The following RIPOR1 variants were observed in gnomAD, a reference collection of about 807,000 sequenced individuals.
The protein encoded by RIPOR1 is RHO family interacting cell polarization regulator 1, also known as rho family-interacting cell polarization regulator 1.
A neutral mutation model predicts 116.5 loss-of-function variants in RIPOR1; 58 were observed. The observed-to-expected ratio is 0.50, with a 90% CI of 0.40 to 0.62. The LOEUF is 0.62. Ranked by LOEUF, RIPOR1 falls within the 20% of genes least tolerant of loss-of-function variation. The pLI is 0.00. For synonymous variants in RIPOR1, 605 were observed against 650.0 expected (o/e 0.93, Z 1.05); for missense variants, 1,372 against 1,586.2 (o/e 0.86, Z 2.29).
chr16:67,537,513 C>T lies in RIPOR1; in HGVS notation c.-23-911C>T. On this transcript the variant is annotated intron_variant, in intron 1 of 21. Transcript: ENST00000042381. This position sits in a 1 kb window ranked among gnomAD's most constrained non-coding sequence, Gnocchi z 4.6. ...GAGCCCGGAGCCCAGCCGGGCGGCT[C>T]GAAGTGGCCAGGGCCGGAAGGTCCG... The T allele has an allele frequency of 3.9e-6, 5 of 1,279,104 alleles. No homozygotes were observed. Among genetic ancestry groups the T allele is most frequent in the Non-Finnish European group, 4.9e-6 (5 of 1,011,232 alleles). The allele number at this position is 1,279,104 out of a possible 1,614,324, so 79.2% of individuals were successfully genotyped here.
chr16:67,522,338 G>A (rs2050502250), intron 1 of RIPOR1, among the ~76,000 whole-genome samples: 1 of 151,804 alleles, frequency 6.6e-6, no homozygotes, highest in Non-Finnish European at 1.5e-5. Flanking sequence ...GAGTAGCTGG[G>A]ATTACAGGCA....
In RIPOR1 at chr16:67,537,640, C is replaced by A; in HGVS notation, c.-23-784C>A. 7.7e-7 allele frequency: 1 copy of A among 1,305,954 alleles called. No individual in the cohort carries two copies. The highest frequency in any genetic ancestry group is 9.9e-7 in the Non-Finnish European group (1 of 1,006,154). The allele number at this position is 1,305,954 out of a possible 1,614,324, so 80.9% of individuals were successfully genotyped here. A position where few individuals can be genotyped will look rare whatever the true frequency, so the allele number is the denominator to read the frequency against. ...GCTGCGAAAGCTCAGGGACTGGCCC[C>A]AGGGGAAGCAGGCCGGGTTTGGGGG... On this transcript the variant is annotated intron_variant, in intron 1 of 21. Transcript: ENST00000042381. The surrounding 1 kb of genome is among the most constrained non-coding windows in gnomAD (Gnocchi z 4.6).
Position 67,542,262 on chromosome 16 carries a change from T to G in RIPOR1, c.1476T>G (p.Ser492Arg). ...CTCCCACCCATGGAGAGCACCCCAG[T>G]CCTGTTCCTCCTGCCCTGGACCCTG... ...HPAPTHGEHPSPVPPALDPGH... is the reference protein window; with the variant it reads ...HPAPTHGEHPRPVPPALDPGH... The change falls in exon 13 of 22, where the codon AGT becomes AGG. Residue 492 changes from serine (S) to arginine (R), a missense_variant. Around this residue, in one of 3 missense-constraint regions of RIPOR1, gnomAD observed 1,005 missense variants for 1,144.7 expected, o/e 0.88. Transcript: ENST00000042381. The surrounding 1 kb of genome is among the most constrained non-coding windows in gnomAD (Gnocchi z 4.6). 1 of 1,613,804 alleles carries G rather than the reference T, an allele frequency of 6.2e-7. No individual in the cohort carries two copies. Among genetic ancestry groups the G allele is most frequent in the Non-Finnish European group, 8.5e-7 (1 of 1,179,910 alleles).
chr16:67,538,976 G>A lies in RIPOR1; in HGVS notation c.258-14G>A. The A allele has an allele frequency of 1.2e-6, 2 of 1,613,598 alleles. No homozygotes were observed. The highest frequency in any genetic ancestry group is 1.7e-4 in the Middle Eastern group (1 of 6,058). ...GAGAGCCGAGTTCATTCTTGTGGTC[G>A]CCCCTTTCCTCAGGGCCTACTTGGA... On this transcript the variant is annotated splice_polypyrimidine_tract_variant and intron_variant, in intron 3 of 21. Coordinates refer to ENST00000042381, the MANE Select transcript of RIPOR1 (RefSeq NM_024519.4).
upstream of RIPOR1, chr16:67,528,752 G>C (rs938889112): frequency 8.0e-5 from 12 of 150,482 alleles, no homozygotes; most frequent in Middle Eastern, 3.4e-3. Context: ...AGCCGCGGGA[G>C]CGCAGGGGGT....
chr16:67,541,931 C>T lies in RIPOR1; in HGVS notation c.1145C>T (p.Ser382Leu), dbSNP rs1188382666. Residue 382 changes from serine to leucine, a missense_variant, in exon 13 of 22, where the codon TCA becomes TTA. Physicochemically the swap from Ser to Leu is moderately radical, Grantham distance 145. Transcript: ENST00000042381. This position sits in a 1 kb window ranked among gnomAD's most constrained non-coding sequence, Gnocchi z 4.6. The stretch of plus-strand genomic sequence containing the variant: ...GCATGGTCCCTGTCATCTGAATCTT[C>T]AGACGACTCATCCAGCCCACAGCTC... ...GTAWSLSSES[S>L]DDSSSPQLSG... is the part of the protein sequence containing the mutation. The T allele has an allele frequency of 4.3e-6, 7 of 1,612,038 alleles. No homozygotes were observed. Among genetic ancestry groups the T allele is most frequent in the Non-Finnish European group, 5.9e-6 (7 of 1,179,428 alleles).
chr16:67,518,827 G>A (rs1343281352), intron 1 of RIPOR1, among the ~76,000 whole-genome samples: 1 of 152,194 alleles, frequency 6.6e-6, no homozygotes, highest in Non-Finnish European at 1.5e-5. Context: ...GGAAGGGGAG[G>A]CAGACAAGGG....
chr16:67,532,866 T>C (rs1319990802), intron 1 of RIPOR1, among the ~76,000 whole-genome samples: 1 of 152,198 alleles, frequency 6.6e-6, no homozygotes. Context: ...AAGGTCAGTG[T>C]TGTTACTGAA....
In RIPOR1 at chr16:67,540,246, G is replaced by C; in HGVS notation, c.567+41G>C. 1 of 1,613,760 alleles carries C rather than the reference G, an allele frequency of 6.2e-7. No individual in the cohort carries two copies. Among genetic ancestry groups the C allele is most frequent in the Non-Finnish European group, 8.5e-7 (1 of 1,179,826 alleles). ...CCATGAGGCAGAGGCACAGGGTGTG[G>C]CAGGGCTAGTGGCTGGCCCTTGACC... On this transcript the variant is annotated intron_variant, in intron 7 of 21. Transcript: ENST00000042381. The surrounding 1 kb of genome is among the most constrained non-coding windows in gnomAD (Gnocchi z 4.7).
At chr16:67,524,031 A>G (rs2050520017), upstream of RIPOR1, among the ~76,000 whole-genome samples, 2 of 152,158 alleles carry the variant, frequency 1.3e-5, no homozygotes, top group Non-Finnish European at 2.9e-5. Flanking sequence ...CCCCTCACAC[A>G]TCATGTTCAT....
intron 1 of RIPOR1, among the ~76,000 whole-genome samples, chr16:67,523,059 T>G (rs1214726727): frequency 6.6e-6 from 1 of 152,246 alleles, no homozygotes; most frequent in African/African-American, 2.4e-5. Flanking sequence ...CAGTCTCCTT[T>G]GGCAGAGTGT....
In RIPOR1 at chr16:67,546,208, C is replaced by T; in HGVS notation, c.3539C>T (p.Ala1180Val). ...QTDTEAVREA[A>V]RQSLQQCGEE... ...GACACAGAAGCTGTGAGGGAAGCTGCCCGGCAAAGCCTACAGCAGTGTGGT... is the reference window on the plus strand; with the variant it reads ...GACACAGAAGCTGTGAGGGAAGCTGTCCGGCAAAGCCTACAGCAGTGTGGT... Residue 1180 changes from alanine to valine, a missense_variant, in exon 21 of 22, where the codon GCC becomes GTC. Ala to Val is a moderately conservative substitution (Grantham distance 64). This residue lies in a region of RIPOR1 where 1,005 missense variants were observed against 1,144.7 expected (regional missense o/e 0.88). Coordinates refer to ENST00000042381, the MANE Select transcript of RIPOR1 (RefSeq NM_024519.4). 6.2e-7 allele frequency: 1 copy of T among 1,614,096 alleles called. No individual in the cohort carries two copies. Among genetic ancestry groups the T allele is most frequent in the Non-Finnish European group, 8.5e-7 (1 of 1,180,036 alleles).
rs1383056873 is a variant in RIPOR1, at chr16:67,542,397, C to T, written c.1611C>T (p.Gly537=). 3 of 1,613,796 alleles carry T rather than the reference C, an allele frequency of 1.9e-6. No homozygotes were observed. In the African/African-American group the frequency reaches 4.0e-5, roughly 22 times the overall value. ...LDSVHKSTDS[G]PSELPGPTHT... ...CAGTTCATAAGTCCACAGACTCTGG[C>T]CCTTCAGAACTGCCAGGCCCCACTC... Residue 537 remains glycine (G), a synonymous_variant, in exon 13 of 22, where the codon GGC becomes GGT. Transcript: ENST00000042381. The surrounding 1 kb of genome is among the most constrained non-coding windows in gnomAD (Gnocchi z 4.6).
At chr16:67,533,044 G>C (rs1251430880) in intron 1 of RIPOR1, among the ~76,000 whole-genome samples, 1 of 152,152 alleles carries the variant, frequency 6.6e-6, no homozygotes, top group Admixed American at 6.5e-5. Flanking sequence ...AGAGATTTAA[G>C]AGCCAGACCT....
At chr16:67,523,521 TAAAAAAAAAAAAAA>T (rs1169903442) in intron 1 of RIPOR1, among the ~76,000 whole-genome samples, 1 of 44,064 alleles carries the variant, frequency 2.3e-5, no homozygotes, top group Non-Finnish European at 4.9e-5. Flanking sequence ...CAAGACTCCA[TAAAAAAAAAAAAAA>T]AAAAAAAAAA....
In RIPOR1 at chr16:67,539,860, T is replaced by C; in HGVS notation, c.375T>C (p.Ile125=). Residue 125 remains isoleucine (I), a synonymous_variant, in exon 6 of 22, where the codon ATT becomes ATC. Transcript: ENST00000042381. ...LYDLDKQVKS[I]ERFLRRLEFH... is the part of the protein sequence containing the mutation. ...CTCTCCCCCAGCAAGTCAAGTCCAT[T>C]GAACGCTTCCTGCGACGACTGGAGT... The C allele has an allele frequency of 1.2e-6, 2 of 1,614,132 alleles. No individual in the cohort carries two copies. Among genetic ancestry groups the C allele is most frequent in the Non-Finnish European group, 8.5e-7 (1 of 1,180,008 alleles).
chr16:67,527,772 G>A (rs561124842), upstream of RIPOR1, among the ~76,000 whole-genome samples: 3 of 151,750 alleles, frequency 2.0e-5, no homozygotes, highest in East Asian at 5.8e-4. Context: ...CTACTCGGGA[G>A]GCTGAGGCAG....
rs572908328 is a variant in RIPOR1, at chr16:67,544,400, G to C, written c.2702G>C (p.Arg901Pro). Residue 901 changes from arginine (R) to proline (P), a missense_variant, in exon 15 of 22, where the codon CGG becomes CCG. Physicochemically the swap from Arg to Pro is moderately radical, Grantham distance 103. Coordinates refer to ENST00000042381, the MANE Select transcript of RIPOR1 (RefSeq NM_024519.4). This position sits in a 1 kb window ranked among gnomAD's most constrained non-coding sequence, Gnocchi z 5.1. The stretch of plus-strand genomic sequence containing the variant: ...CCAGCTCTGGATGCTGCCTTGGTCC[G>C]GCACCTGTACCACTGCAGTCGCCTC... ...GCPALDAALV[R>P]HLYHCSRLLL... 1.2e-6 allele frequency: 2 copies of C among 1,612,440 alleles called. No individual in the cohort carries two copies. Among genetic ancestry groups the C allele is most frequent in the Non-Finnish European group, 1.7e-6 (2 of 1,179,692 alleles).
Position 67,545,782 on chromosome 16 carries a change from C to T in RIPOR1, c.3309C>T (p.Val1103=), listed in dbSNP as rs1340125244. 2 of 1,612,820 alleles carry T rather than the reference C, an allele frequency of 1.2e-6. No homozygotes were observed. The highest frequency in any genetic ancestry group is 2.2e-5 in the East Asian group (1 of 44,882). The change falls in exon 19 of 22, where the codon GTC becomes GTT. Residue 1103 remains valine, a synonymous_variant. Coordinates refer to ENST00000042381, the MANE Select transcript of RIPOR1 (RefSeq NM_024519.4). This position sits in a 1 kb window ranked among gnomAD's most constrained non-coding sequence, Gnocchi z 4.8. ...DGLRALSSLL[V]HGNNKVMAAV... ...TGCGGGCCCTCAGCTCCCTGCTCGT[C>T]CATGGCAACAACAAGGTCATGGCTG...
Sources: gnomAD v4.1 joint callset for allele counts (sites outside exome capture counted in the v4.1 genomes callset) on GRCh38, gnomAD v4.1.1 for gene constraint, gnomAD v4.1.1 regional missense constraint, Gnocchi (gnomAD v3.1) non-coding constraint, MANE v1.5 for transcripts, NCBI Gene and HGNC (gene_info 2026-07-23, HGNC 2026-07-21) for gene names.